The following PRKCA variants were observed in gnomAD, a reference collection of about 807,000 sequenced individuals.
PRKCA encodes protein kinase C alpha type.
PRKCA carries 27 observed loss-of-function variants against 87.0 expected under a neutral mutation model. That is an observed-to-expected ratio of 0.31 (90% confidence interval 0.23 to 0.43). The LOEUF (loss-of-function observed/expected upper bound fraction) is 0.43. Ranked by LOEUF, PRKCA falls within the 20% of genes least tolerant of loss-of-function variation. The pLI, the probability that PRKCA is intolerant of heterozygous loss-of-function variation, is 1.00. For missense variants in PRKCA, 518 were observed against 852.3 expected (o/e 0.61, Z 4.88); for synonymous variants, 329 against 311.1 (o/e 1.06, Z -0.61).
At chr17:66,394,450 T>A (rs571974877) in intron 2 of PRKCA, among the ~76,000 whole-genome samples, 1 of 152,290 alleles carries the variant, frequency 6.6e-6, no homozygotes, top group South Asian at 2.1e-4. Context: ...GGCAGTGTGG[T>A]TATTTATGTA....
intron 2 of PRKCA, among the ~76,000 whole-genome samples, chr17:66,365,505 C>T (rs538869988): frequency 1.3e-5 from 2 of 152,322 alleles, no homozygotes; most frequent in Admixed American, 6.5e-5. Flanking sequence ...CTCTTAGCCA[C>T]TAAATGGCTT....
intron 3 of PRKCA, among the ~76,000 whole-genome samples, chr17:66,536,569 C>T (rs768330275): frequency 1.3e-5 from 2 of 152,216 alleles, no homozygotes; most frequent in African/African-American, 2.4e-5. Context: ...CCCTTACTGG[C>T]CATGTAACCT....
At chr17:66,781,002 A>G (rs1352326357) in intron 14 of PRKCA, among the ~76,000 whole-genome samples, 2 of 152,108 alleles carry the variant, frequency 1.3e-5, no homozygotes, top group Non-Finnish European at 2.9e-5. Context: ...CCAGCCACTC[A>G]GGAGGCTGAG....
At chr17:66,541,346 G>C (rs1381829053) in intron 3 of PRKCA, among the ~76,000 whole-genome samples, 1 of 152,190 alleles carries the variant, frequency 6.6e-6, no homozygotes, top group East Asian at 1.9e-4. Context: ...GTTCTTGAAA[G>C]AAATGAGGGG....
intron 3 of PRKCA, among the ~76,000 whole-genome samples, chr17:66,591,630 T>A (rs556630970): frequency 2.0e-5 from 3 of 152,206 alleles, no homozygotes; most frequent in Non-Finnish European, 4.4e-5. Context: ...CCCACTTTGG[T>A]GGTTTAATTA....
At chr17:66,787,216 T>C in intron 15 of PRKCA, 1 of 680,222 alleles carries the variant, frequency 1.5e-6, no homozygotes, top group African/African-American at 1.8e-5. Context: ...GTGTTGCTCC[T>C]GGCCTGGCTG....
rs773794135 is a variant in PRKCA, at chr17:66,687,253, T to C, written c.672T>C (p.Asn224=). The C allele has an allele frequency of 2.5e-6, 4 of 1,614,040 alleles. 1 individual carries two copies. The highest frequency in any genetic ancestry group is 3.3e-5 in the Admixed American group (2 of 60,010). Residue 224 remains asparagine, a synonymous_variant, in exon 6 of 17, where the codon AAT becomes AAC. Coordinates refer to ENST00000413366, the MANE Select transcript of PRKCA (RefSeq NM_002737.3). ...GCTCCACACTAAATCCGCAGTGGAA[T>C]GAGTCCTTTACATTGTAAGTGGTCT... ...TIRSTLNPQW[N]ESFTFKLKPS...
intron 2 of PRKCA, among the ~76,000 whole-genome samples, chr17:66,425,881 G>A (rs549392004): frequency 1.3e-5 from 2 of 152,230 alleles, no homozygotes; most frequent in Admixed American, 1.3e-4. Flanking sequence ...GAAGGAAGCC[G>A]TTGCATGCCA....
At chr17:66,304,351 G>A (rs6504412) in intron 1 of PRKCA, among the ~76,000 whole-genome samples, 147,287 of 152,296 alleles carry the variant, frequency 0.97, 71,230 homozygotes, top group East Asian at 1. Context: ...AACTAAAGGA[G>A]CTCTAGGTCC....
chr17:66,406,630 C>T (rs1019323575), intron 2 of PRKCA, among the ~76,000 whole-genome samples: 15 of 105,356 alleles, frequency 1.4e-4, no homozygotes, highest in South Asian at 6.7e-4. Context: ...GAAAAGATAC[C>T]GGTGGATATG....
At chr17:66,602,746 G>T (rs1455983953) in intron 3 of PRKCA, among the ~76,000 whole-genome samples, 1 of 152,224 alleles carries the variant, frequency 6.6e-6, no homozygotes, top group Non-Finnish European at 1.5e-5. Flanking sequence ...GGCCTTGGAG[G>T]TTCTGGCTCT....
chr17:66,526,631 G>A (rs2138004), intron 3 of PRKCA, among the ~76,000 whole-genome samples: 42,964 of 151,956 alleles, frequency 0.28, 8,128 homozygotes, highest in African/African-American at 0.53. Flanking sequence ...CGTTACTTCT[G>A]TCTCATTATG....
intron 16 of PRKCA, among the ~76,000 whole-genome samples, chr17:66,799,889 A>G (rs769981881): frequency 7.2e-5 from 11 of 151,868 alleles, no homozygotes; most frequent in Non-Finnish European, 1.3e-4. Context: ...CCGAATCTGG[A>G]GTAGAAATAG....
chr17:66,466,923 A>G (rs1029759122), intron 2 of PRKCA, among the ~76,000 whole-genome samples: 1 of 152,148 alleles, frequency 6.6e-6, no homozygotes, highest in Non-Finnish European at 1.5e-5. Flanking sequence ...TAAATTTGTG[A>G]CTGGCATTTG....
chr17:66,536,979 A>C lies in PRKCA; in HGVS notation c.288+40696A>C, dbSNP rs147300010. On this transcript the variant is annotated intron_variant, in intron 3 of 16. Transcript: ENST00000413366. ...CCATATCCAGTGCATACAGCTGGGC[A>C]TTCTTTGTGTAGATCACCCCAGTTA... is the stretch of plus-strand genomic sequence containing the variant. Among the ~76,000 whole-genome samples the C allele has an allele frequency of 4.3e-4, 66 of 152,280 alleles. 1 individual carries two copies. In the East Asian group the frequency reaches 0.01, roughly 24 times the overall value.
intron 3 of PRKCA, among the ~76,000 whole-genome samples, chr17:66,558,420 C>G (rs1968568652): frequency 6.6e-6 from 1 of 152,098 alleles, no homozygotes; most frequent in South Asian, 2.1e-4. Flanking sequence ...TTAGCAGAGA[C>G]TTGGGGGATG....
intron 2 of PRKCA, among the ~76,000 whole-genome samples, chr17:66,396,631 CTT>C (rs10626483): frequency 1.5e-5 from 2 of 137,220 alleles, no homozygotes; most frequent in African/African-American, 2.7e-5. Flanking sequence ...CATTCTCTCT[CTT>C]TTTTTTTTTT....
intron 3 of PRKCA, among the ~76,000 whole-genome samples, chr17:66,499,111 A>G (rs1414739879): frequency 6.6e-6 from 1 of 152,046 alleles, no homozygotes; most frequent in African/African-American, 2.4e-5. Context: ...TGTGGCAGTC[A>G]GAAGTGGGGT....
chr17:66,793,491 G>C (rs965401151), intron 16 of PRKCA, among the ~76,000 whole-genome samples: 1 of 150,524 alleles, frequency 6.6e-6, no homozygotes, highest in African/African-American at 2.4e-5. Flanking sequence ...TTGGGAGGCT[G>C]AGACAGGAGA....
Sources: gnomAD v4.1 joint callset for allele counts (sites outside exome capture counted in the v4.1 genomes callset) on GRCh38, gnomAD v4.1.1 for gene constraint, MANE v1.5 for transcripts, NCBI Gene and HGNC (gene_info 2026-07-23, HGNC 2026-07-21) for gene names.